The following LMCD1 variants were observed in gnomAD, a reference collection of about 807,000 sequenced individuals.
LMCD1 encodes LIM and cysteine rich domains 1, also known as LIM and cysteine-rich domains protein 1.
Under a neutral mutation model 42.7 loss-of-function variants are expected in LMCD1, and 32 were observed. That is an observed-to-expected ratio of 0.75 (90% confidence interval 0.57 to 1.01). The LOEUF (loss-of-function observed/expected upper bound fraction) is 1.01, where lower values mean the gene tolerates loss of function less well. Ranked by LOEUF, LMCD1 falls within the 50% of genes least tolerant of loss-of-function variation. The probability of loss-of-function intolerance (pLI) is 0.00; values close to 1 mark genes in which losing one functional copy is unlikely to be tolerated. For missense variants in LMCD1, 458 were observed against 483.1 expected (o/e 0.95, Z 0.49); for synonymous variants, 178 against 184.9 (o/e 0.96, Z 0.30).
intron 3 of LMCD1, among the ~76,000 whole-genome samples, chr3:8,543,988 C>T (rs1033607196): frequency 1.3e-5 from 2 of 152,198 alleles, no homozygotes; most frequent in African/African-American, 2.4e-5. Context: ...GGGGTCAGGA[C>T]GAAGCCCTTC....
At position 8,567,807 on chromosome 3, in the gene LMCD1, C is replaced by T; in HGVS notation, c.*209C>T. 5.4e-6 allele frequency: 2 copies of T among 373,016 alleles called. No homozygotes were observed. Among genetic ancestry groups the T allele is most frequent in the Non-Finnish European group, 9.3e-6 (2 of 213,966 alleles). 23.1% of individuals were successfully genotyped at this position (373,016 alleles called of 1,614,324 possible). On this transcript the variant is annotated 3_prime_UTR_variant, in exon 6 of 6. Coordinates refer to ENST00000157600, the MANE Select transcript of LMCD1 (RefSeq NM_014583.4). ...TCCTTGAGGGTCAGTAGTTTCAAAA[C>T]CAAAAATATTCTAAGAAGTCTTAGG... is the stretch of plus-strand genomic sequence containing the variant.
chr3:8,501,962 C>T lies in LMCD1; in HGVS notation c.24C>T (p.Leu8=). The T allele has an allele frequency of 6.3e-7, 1 of 1,593,890 alleles. No individual in the cohort carries two copies. Among genetic ancestry groups the T allele is most frequent in the Non-Finnish European group, 8.5e-7 (1 of 1,171,418 alleles). Residue 8 remains leucine (L), a synonymous_variant, in exon 1 of 6, where the codon CTC becomes CTT. Transcript: ENST00000157600. ...GGATGGCAAAGGTGGCTAAGGACCT[C>T]AACCCAGGAGTTAAAAAGGTGAGTG... The part of the protein sequence containing the change: MAKVAKD[L]NPGVKKMSLG...
Position 8,508,223 on chromosome 3 carries a change from G to A in LMCD1, c.42+6243G>A, listed in dbSNP as rs116031083. Among the ~76,000 whole-genome samples the A allele has an allele frequency of 7.2e-3, 1,102 of 152,248 alleles. 17 individuals are homozygous for A. The Middle Eastern group carries it at 0.075, about 10-fold the overall frequency. On this transcript the variant is annotated intron_variant, in intron 1 of 5. Coordinates refer to ENST00000157600, the MANE Select transcript of LMCD1 (RefSeq NM_014583.4). ...CAGAGCTTTCAGGAAACTCTGCCCT[G>A]GGGATAAGGTTGGCCTTGACATGTG...
chr3:8,530,585 C>T (rs1694393351), intron 1 of LMCD1, among the ~76,000 whole-genome samples: 1 of 152,240 alleles, frequency 6.6e-6, no homozygotes, highest in African/African-American at 2.4e-5. Context: ...CTTGGAAATG[C>T]TTCCACCTAC....
At chr3:8,543,030 C>G (rs1032953999) in intron 3 of LMCD1, among the ~76,000 whole-genome samples, 1 of 152,188 alleles carries the variant, frequency 6.6e-6, no homozygotes, top group East Asian at 1.9e-4. Flanking sequence ...GGGGCTGCTT[C>G]GGAACTTGGT....
chr3:8,554,379 G>A (rs1000904408), intron 4 of LMCD1, among the ~76,000 whole-genome samples: 2 of 152,148 alleles, frequency 1.3e-5, no homozygotes, highest in Non-Finnish European at 2.9e-5. Flanking sequence ...GGGTGGGTCC[G>A]ACCATGCCAG....
At chr3:8,566,583 T>C (rs1342748083) in intron 5 of LMCD1, among the ~76,000 whole-genome samples, 2 of 152,234 alleles carry the variant, frequency 1.3e-5, no homozygotes, top group Non-Finnish European at 2.9e-5. Context: ...AACAATTCTC[T>C]ATCATTTATT....
chr3:8,506,603 G>C (rs751377273), intron 1 of LMCD1, among the ~76,000 whole-genome samples: 2 of 152,180 alleles, frequency 1.3e-5, no homozygotes, highest in Admixed American at 1.3e-4. Context: ...AAGGCAAATC[G>C]TCCTCTTTTT....
intron 1 of LMCD1, among the ~76,000 whole-genome samples, chr3:8,514,120 C>T (rs555139130): frequency 6.6e-6 from 1 of 152,074 alleles, no homozygotes; most frequent in Non-Finnish European, 1.5e-5. Context: ...TACATACATA[C>T]ATACATAGAG....
chr3:8,537,740 A>C (rs913375309), intron 3 of LMCD1, among the ~76,000 whole-genome samples: 1 of 152,148 alleles, frequency 6.6e-6, no homozygotes, highest in Non-Finnish European at 1.5e-5. Flanking sequence ...TCTGAACAGG[A>C]GATAGTTTAT....
chr3:8,535,955 T>A (rs1694499793), intron 2 of LMCD1, among the ~76,000 whole-genome samples: 1 of 152,208 alleles, frequency 6.6e-6, no homozygotes, highest in Admixed American at 6.5e-5. Context: ...ACTGGGACAA[T>A]CGAAGATGTC....
chr3:8,567,744 T>C lies in LMCD1; in HGVS notation c.*146T>C, dbSNP rs989215141. 2.2e-5 allele frequency: 13 copies of C among 579,458 alleles called. No individual in the cohort carries two copies. The Admixed American group carries it at 4.0e-4, about 18-fold the overall frequency. The allele number at this position is 579,458 out of a possible 1,614,324, so 35.9% of individuals were successfully genotyped here. A position where few individuals can be genotyped will look rare whatever the true frequency, so the allele number is the denominator to read the frequency against. ...TTTCAGTGAGAATATATATATGAGA[T>C]ATATATAGATATATATTCTAGGTTG... On this transcript the variant is annotated 3_prime_UTR_variant, in exon 6 of 6. Transcript: ENST00000157600.
chr3:8,551,211 T>G lies in LMCD1; in HGVS notation c.723+2308T>G. On this transcript the variant is annotated intron_variant, in intron 4 of 5. Coordinates refer to ENST00000157600, the MANE Select transcript of LMCD1 (RefSeq NM_014583.4). ...GTCACCGTCTGTAGATGCTGAGGTC[T>G]TGTTCATCTCTTTATTTGCATTGAT... The G allele has an allele frequency of 4.1e-6, 4 of 984,988 alleles. No individual in the cohort carries two copies. In the South Asian group the frequency reaches 1.9e-4, roughly 46 times the overall value. 61.0% of individuals were successfully genotyped at this position (984,988 alleles called of 1,614,324 possible). A position where few individuals can be genotyped will look rare whatever the true frequency, so the allele number is the denominator to read the frequency against.
Position 8,522,898 on chromosome 3 carries a change from G to A in LMCD1, c.43-9839G>A, listed in dbSNP as rs533519135. 9.2e-5 allele frequency among the ~76,000 whole-genome samples: 14 copies of A among 152,172 alleles called. No individual in the cohort carries two copies. The South Asian group carries it at 2.9e-3, about 32-fold the overall frequency. On this transcript the variant is annotated intron_variant, in intron 1 of 5. Coordinates refer to ENST00000157600, the MANE Select transcript of LMCD1 (RefSeq NM_014583.4). The stretch of plus-strand genomic sequence containing the variant: ...TCAGCATTTGCTTAAAATTTTATTT[G>A]GGACACCAGAAACTCCTGACATCAC...
At chr3:8,516,977 C>T (rs1025527192) in intron 1 of LMCD1, among the ~76,000 whole-genome samples, 2 of 152,226 alleles carry the variant, frequency 1.3e-5, no homozygotes, top group Non-Finnish European at 2.9e-5. Context: ...AGGCATTGTG[C>T]TACATCATTT....
chr3:8,519,314 G>A (rs1398157211), intron 1 of LMCD1, among the ~76,000 whole-genome samples: 1 of 152,160 alleles, frequency 6.6e-6, no homozygotes, highest in Non-Finnish European at 1.5e-5. Context: ...CTAAACAGAA[G>A]GAACTGTATG....
chr3:8,520,462 A>C (rs1694182485), intron 1 of LMCD1, among the ~76,000 whole-genome samples: 1 of 152,162 alleles, frequency 6.6e-6, no homozygotes, highest in Non-Finnish European at 1.5e-5. Context: ...GCCTGGGGAC[A>C]CCAACAGCTT....
chr3:8,537,730 T>G (rs977128299), intron 3 of LMCD1, among the ~76,000 whole-genome samples: 17 of 152,180 alleles, frequency 1.1e-4, no homozygotes, highest in Non-Finnish European at 2.4e-4. Flanking sequence ...GCTCCTCACT[T>G]CTGAACAGGA....
At chr3:8,532,513 T>C (rs1022624352) in intron 1 of LMCD1, among the ~76,000 whole-genome samples, 16 of 152,122 alleles carry the variant, frequency 1.1e-4, no homozygotes, top group African/African-American at 3.9e-4. Flanking sequence ...GCATTCTTAT[T>C]GGGAAGAGCC....
Sources: gnomAD v4.1 joint callset for allele counts (sites outside exome capture counted in the v4.1 genomes callset) on GRCh38, gnomAD v4.1.1 for gene constraint, MANE v1.5 for transcripts, NCBI Gene and HGNC (gene_info 2026-07-23, HGNC 2026-07-21) for gene names.